VBP1: variants seen among roughly 807,000 people sequenced by gnomAD.
The protein encoded by VBP1 is VHL binding protein 1.
A neutral mutation model predicts 15.5 loss-of-function variants in VBP1; 4 were observed. The observed-to-expected ratio is 0.26, with a 90% confidence interval of 0.13 to 0.59. The LOEUF is 0.59. VBP1 is among the 20% of genes least tolerant of loss of function. The pLI, the probability that VBP1 is intolerant of heterozygous loss-of-function variation, is 0.90. For missense variants in VBP1, 108 were observed against 139.6 expected (o/e 0.77, Z 1.14); for synonymous variants, 61 against 52.1 (o/e 1.17, Z -0.74).
chrX:155,206,443 C>T (rs1255853569), intron 1 of VBP1, among the ~76,000 whole-genome samples: 1 of 110,535 alleles, frequency 9.0e-6, no homozygotes, highest in African/African-American at 3.3e-5. Flanking sequence ...ACCGTGTTAG[C>T]CAGGATGGTC....
At chrX:155,235,101 A>AGT (rs781798537) in intron 4 of VBP1, among the ~76,000 whole-genome samples, 88 of 104,223 alleles carry the variant, frequency 8.4e-4, no homozygotes, top group African/African-American at 2.5e-3. Flanking sequence ...CATTTCACCC[A>AGT]GTGTGTGTGT....
chrX:155,205,720 C>G (rs925117049), intron 1 of VBP1, among the ~76,000 whole-genome samples: 1 of 111,417 alleles, frequency 9.0e-6, no homozygotes, highest in Admixed American at 9.6e-5. Context: ...CCAAGATCCT[C>G]CATGCTTCCT....
intron 3 of VBP1, 129 bp from the exon 4 acceptor site, chrX:155,228,255 C>T: frequency 1.9e-6 from 1 of 517,830 alleles, no homozygotes; most frequent in Non-Finnish European, 3.1e-6. Context: ...ATTTCTTTTA[C>T]CACTACACTT....
intron 2 of VBP1, among the ~76,000 whole-genome samples, chrX:155,223,267 A>G (rs1557309803): frequency 9.4e-6 from 1 of 105,824 alleles, no homozygotes; most frequent in African/African-American, 3.5e-5. Flanking sequence ...GCAGGGTCAT[A>G]GGACAATAGT....
chrX:155,202,095 T>C (rs2074606717), intron 1 of VBP1, among the ~76,000 whole-genome samples: 1 of 111,100 alleles, frequency 9.0e-6, no homozygotes, highest in African/African-American at 3.3e-5. Context: ...AAACCACTGC[T>C]CAATGAAATA....
At chrX:155,234,248 G>T (rs1019047948) in intron 4 of VBP1, among the ~76,000 whole-genome samples, 1 of 106,407 alleles carries the variant, frequency 9.4e-6, no homozygotes, top group Non-Finnish European at 1.9e-5. Flanking sequence ...AGCCTCCTGA[G>T]TAGCTGGGAT....
chrX:155,208,955 C>G (rs1557308300), exon 2 of VBP1: 1 of 1,153,258 alleles, frequency 8.7e-7, no homozygotes, highest in Non-Finnish European at 1.1e-6. Context: ...GACCAGTAGT[C>G]CTTCCACTCC....
chrX:155,222,364 A>G (rs1451284627), intron 2 of VBP1, among the ~76,000 whole-genome samples: 1 of 111,554 alleles, frequency 9.0e-6, no homozygotes, highest in Non-Finnish European at 1.9e-5. Flanking sequence ...AGTTCCAGCT[A>G]CTAGGGAAGC....
At chrX:155,224,221 A>C (rs1296349436) in intron 2 of VBP1, among the ~76,000 whole-genome samples, 1 of 112,422 alleles carries the variant, frequency 8.9e-6, no homozygotes, top group African/African-American at 3.2e-5. Flanking sequence ...AGAGGCTGCA[A>C]TCTCGGCACT....
At chrX:155,220,983 G>A (rs371198631) in intron 2 of VBP1, among the ~76,000 whole-genome samples, 3 of 110,742 alleles carry the variant, frequency 2.7e-5, no homozygotes, top group Admixed American at 9.6e-5. Context: ...TTCAGTCCAG[G>A]AGTTCAAGAC....
intron 5 of VBP1, among the ~76,000 whole-genome samples, chrX:155,237,808 T>G (rs2074780920): frequency 8.9e-6 from 1 of 112,394 alleles, no homozygotes; most frequent in African/African-American, 3.2e-5. Flanking sequence ...TGTGCTTGCT[T>G]AACACATACT....
rs782666698 is a variant in VBP1 at position 155,228,467 on chromosome X, G to C, written c.369G>C (p.Val123=). The C allele has an allele frequency of 8.3e-7, 1 of 1,203,063 alleles. No homozygotes were observed. Among genetic ancestry groups the C allele is most frequent in the South Asian group, 1.8e-5 (1 of 56,038 alleles). ...CTTCAGTTCCTCCTACCGATAAAGT[G>C]TGTCTGTGGTTGGGGGTAAGTAAAT... ...CKASVPPTDK[V]CLWLGANVML... Residue 123 remains valine (V), a synonymous_variant, in exon 4 of 6, where the codon GTG becomes GTC. Coordinates refer to ENST00000286428, the MANE Select transcript of VBP1 (RefSeq NM_003372.7).
intron 2 of VBP1, among the ~76,000 whole-genome samples, chrX:155,222,560 C>T (rs782249982): frequency 9.0e-5 from 10 of 111,369 alleles, no homozygotes; most frequent in Non-Finnish European, 1.7e-4. Flanking sequence ...ACTTAAATTG[C>T]TCTTCTAACT....
In VBP1 at chrX:155,216,566, C is replaced by T. The variant is rs896214796; in HGVS notation, c.84C>T (p.Ala28=). 9 of 1,167,340 alleles carry T rather than the reference C, an allele frequency of 7.7e-6. No homozygotes were observed. Among genetic ancestry groups the T allele is most frequent in the South Asian group, 1.9e-5 (1 of 52,649 alleles). ...GGCTCCACCTGGGGATTCCTGAGGC[C>T]GTGTTTGTGGTAAGAGGCACGCTGT... ...GRRLHLGIPE[A]VFVEDVDSFM... Residue 28 remains alanine (A), a synonymous_variant, in exon 1 of 6, where the codon GCC becomes GCT. Transcript: ENST00000286428.
At chrX:155,236,579 C>A (rs782762824) in intron 5 of VBP1, among the ~76,000 whole-genome samples, 18 of 111,291 alleles carry the variant, frequency 1.6e-4, no homozygotes, top group African/African-American at 5.9e-4. Flanking sequence ...TACCCTAGAA[C>A]TAAAAAAAAA....
chrX:155,232,049 G>A (rs373409967), intron 4 of VBP1, among the ~76,000 whole-genome samples: 9 of 111,384 alleles, frequency 8.1e-5, no homozygotes, highest in Admixed American at 1.9e-4. Context: ...TTCTCCAACC[G>A]TATATAAAAA....
chrX:155,201,749 G>A (rs1483834553), intron 1 of VBP1, among the ~76,000 whole-genome samples: 1 of 107,147 alleles, frequency 9.3e-6, no homozygotes, highest in Non-Finnish European at 1.9e-5. Flanking sequence ...AGTGTTGGAA[G>A]TTCTGGCCAG....
At chrX:155,236,968 T>C (rs1202008158) in intron 5 of VBP1, among the ~76,000 whole-genome samples, 2 of 112,520 alleles carry the variant, frequency 1.8e-5, no homozygotes, top group Admixed American at 1.9e-4. Context: ...GTAAAACAGC[T>C]GAATGATAAT....
At chrX:155,200,650 G>C (rs1459677299) in intron 1 of VBP1, among the ~76,000 whole-genome samples, 5 of 105,311 alleles carry the variant, frequency 4.7e-5, no homozygotes, top group African/African-American at 6.9e-5. Flanking sequence ...GCCCACAAGA[G>C]AAAGCAGGAA....
Sources: gnomAD v4.1 joint callset for allele counts (sites outside exome capture counted in the v4.1 genomes callset) on GRCh38, gnomAD v4.1.1 for gene constraint, MANE v1.5 for transcripts, NCBI Gene and HGNC (gene_info 2026-07-23, HGNC 2026-07-21) for gene names.